Variants in SLC35B4 observed in about 807,000 individuals in gnomAD.
SLC35B4 encodes solute carrier family 35 member B4.
SLC35B4 carries 28 observed loss-of-function variants against 39.5 expected under a neutral mutation model. The observed-to-expected ratio is 0.71, with a 90% confidence interval of 0.53 to 0.97. SLC35B4 has a LOEUF of 0.97. Ranked by LOEUF, SLC35B4 falls within the 50% of genes least tolerant of loss-of-function variation. SLC35B4 has a pLI of 0.00. For synonymous variants in SLC35B4, 145 were observed against 150.4 expected, an observed-to-expected ratio of 0.96 and a Z score of 0.26; for missense variants, 334 against 414.3, an observed-to-expected ratio of 0.81 and a Z score of 1.68.
In SLC35B4 at chr7:134,294,561, T is replaced by C. The variant is rs192912261; in HGVS notation, c.*272A>G. ...CTCAGAATTCAGAAAACAAGAATAATACTGAATATGTCGGTAAACAAAACA... is the reference window on the plus strand; with the variant it reads ...CTCAGAATTCAGAAAACAAGAATAACACTGAATATGTCGGTAAACAAAACA... On this transcript the variant is annotated 3_prime_UTR_variant, in exon 10 of 10. Coordinates refer to ENST00000378509, the MANE Select transcript of SLC35B4 (RefSeq NM_032826.5). 1.0e-4 allele frequency: 36 copies of C among 352,400 alleles called. No individual in the cohort carries two copies. In the East Asian group the frequency reaches 1.8e-3, roughly 18 times the overall value. The allele number at this position is 352,400 out of a possible 1,614,324, so 21.8% of individuals were successfully genotyped here.
chr7:134,302,922 G>A (rs1486453270), intron 4 of SLC35B4, among the ~76,000 whole-genome samples: 1 of 152,154 alleles, frequency 6.6e-6, no homozygotes, highest in Admixed American at 6.5e-5. Context: ...GCTAGAGAGC[G>A]GTTGGGGAGG....
intron 2 of SLC35B4, among the ~76,000 whole-genome samples, chr7:134,308,943 T>C (rs1017171213): frequency 6.6e-6 from 1 of 152,174 alleles, no homozygotes; most frequent in African/African-American, 2.4e-5. Context: ...TTCCGTGGCA[T>C]TTAGTACATT....
At chr7:134,305,842 G>T (rs1222447678) in intron 3 of SLC35B4, among the ~76,000 whole-genome samples, 9 of 151,984 alleles carry the variant, frequency 5.9e-5, no homozygotes, top group Non-Finnish European at 1.5e-5. Context: ...AGCTAATTTT[G>T]TATTTTTAGT....
chr7:134,299,441 A>C, intron 8 of SLC35B4, 82 bp downstream of exon 8: 2 of 1,097,612 alleles, frequency 1.8e-6, no homozygotes, highest in Admixed American at 3.9e-5. Flanking sequence ...ATTATGAAAA[A>C]GGCCGAGGTC....
chr7:134,317,410 C>A (rs1162525722), upstream of SLC35B4, among the ~76,000 whole-genome samples: 1 of 152,170 alleles, frequency 6.6e-6, no homozygotes, highest in East Asian at 1.9e-4. Context: ...ACATTGGAAT[C>A]ACTTGGAGAG....
chr7:134,294,617 A>C lies in SLC35B4; in HGVS notation c.*216T>G. 9.4e-6 allele frequency: 5 copies of C among 533,730 alleles called. No individual in the cohort carries two copies. The highest frequency in any genetic ancestry group is 1.3e-5 in the Non-Finnish European group (4 of 299,094). The allele number at this position is 533,730 out of a possible 1,614,324, so 33.1% of individuals were successfully genotyped here. A position where few individuals can be genotyped will look rare whatever the true frequency, so the allele number is the denominator to read the frequency against. ...AAATGAATGGGCTGTTCAATAGTCC[A>C]GAACTGTTCTTTTTTCTATTTTAGG... is the stretch of plus-strand genomic sequence containing the variant. On this transcript the variant is annotated 3_prime_UTR_variant, in exon 10 of 10. Coordinates refer to ENST00000378509, the MANE Select transcript of SLC35B4 (RefSeq NM_032826.5).
chr7:134,307,646 T>C (rs942926906), intron 2 of SLC35B4, among the ~76,000 whole-genome samples: 1 of 152,226 alleles, frequency 6.6e-6, no homozygotes, highest in African/African-American at 2.4e-5. Context: ...GGTTCCATAT[T>C]CTTCAGGAAA....
chr7:134,297,508 T>C (rs1378398686), intron 8 of SLC35B4, among the ~76,000 whole-genome samples: 1 of 152,136 alleles, frequency 6.6e-6, no homozygotes, highest in East Asian at 1.9e-4. Context: ...ACAAAGGCAC[T>C]TTCATTAGAG....
chr7:134,290,185 T>C lies in SLC35B4; in HGVS notation c.*4648A>G, dbSNP rs1430306177. Reference sequence around the variant, plus strand: ...ATGTAAGGTGCTAACTACATAATACTCTTCCCTTCTACCACCAGGCAATCC... The same window carrying C: ...ATGTAAGGTGCTAACTACATAATACCCTTCCCTTCTACCACCAGGCAATCC... On this transcript the variant is annotated 3_prime_UTR_variant, in exon 10 of 10. Coordinates refer to ENST00000378509, the MANE Select transcript of SLC35B4 (RefSeq NM_032826.5). The C allele has an allele frequency of 2.6e-5, 4 of 152,274 alleles. No individual in the cohort carries two copies. Among genetic ancestry groups the C allele is most frequent in the Admixed American group, 6.5e-5 (1 of 15,286 alleles). 9.4% of individuals were successfully genotyped at this position (152,274 alleles called of 1,614,324 possible). A position where few individuals can be genotyped will look rare whatever the true frequency, so the allele number is the denominator to read the frequency against.
intron 8 of SLC35B4, among the ~76,000 whole-genome samples, chr7:134,298,808 C>A (rs1361770859): frequency 1.3e-5 from 2 of 152,178 alleles, no homozygotes; most frequent in Admixed American, 6.5e-5. Context: ...CTACAAAATG[C>A]ACTTAAGCAT....
rs1027297067 is a variant in SLC35B4 at position 134,292,374 on chromosome 7, A to G, written c.*2459T>C. The G allele has an allele frequency of 6.6e-6, 1 of 152,328 alleles. No individual in the cohort carries two copies. The highest frequency in any genetic ancestry group is 2.4e-5 in the African/African-American group (1 of 41,428). The allele number at this position is 152,328 out of a possible 1,614,324, so 9.4% of individuals were successfully genotyped here. A position where few individuals can be genotyped will look rare whatever the true frequency, so the allele number is the denominator to read the frequency against. ...AGGGAATTTGGGGCTTTCTGCTTCT[A>G]TATGTGGTCATCTTGTGCGAGTGTT... On this transcript the variant is annotated 3_prime_UTR_variant, in exon 10 of 10. Transcript: ENST00000378509.
chr7:134,317,506 ATAT>A (rs1363434382), upstream of SLC35B4, among the ~76,000 whole-genome samples: 1 of 152,156 alleles, frequency 6.6e-6, no homozygotes, highest in Non-Finnish European at 1.5e-5. Flanking sequence ...TGATCTATTG[ATAT>A]TATCCCTAAT....
chr7:134,311,985 GAATT>G (rs1245216596), intron 1 of SLC35B4, among the ~76,000 whole-genome samples: 3 of 152,104 alleles, frequency 2.0e-5, no homozygotes, highest in African/African-American at 7.2e-5. Context: ...TGACAGAAGT[GAATT>G]AATTTATCTA....
intron 8 of SLC35B4, among the ~76,000 whole-genome samples, chr7:134,297,494 A>G (rs1803492984): frequency 6.6e-6 from 1 of 152,236 alleles, no homozygotes; most frequent in African/African-American, 2.4e-5. Context: ...CAATGGCTAC[A>G]TAAACAAAGG....
intron 6 of SLC35B4, among the ~76,000 whole-genome samples, chr7:134,300,779 T>C (rs1483135428): frequency 6.6e-6 from 1 of 152,114 alleles, no homozygotes; most frequent in Non-Finnish European, 1.5e-5. Flanking sequence ...CAATACACAA[T>C]ATTTTTCCAT....
At chr7:134,310,448 GGAA>G (rs1455361344) in intron 1 of SLC35B4, among the ~76,000 whole-genome samples, 2 of 152,084 alleles carry the variant, frequency 1.3e-5, no homozygotes, top group Admixed American at 6.5e-5. Flanking sequence ...CTCAATCGCT[GGAA>G]GAAGAACAAA....
At chr7:134,302,198 A>T (rs1803598444) in intron 4 of SLC35B4, 88 bp from the exon 5 acceptor site, 1 of 1,108,684 alleles carries the variant, frequency 9.0e-7, no homozygotes, top group African/African-American at 1.6e-5. Context: ...ATGGTGCATG[A>T]AAGTACAAAT....
intron 3 of SLC35B4, 56 bp from the exon 4 acceptor site, chr7:134,304,910 G>A (rs371360902): frequency 4.1e-5 from 56 of 1,361,426 alleles, no homozygotes; most frequent in Non-Finnish European, 5.2e-5. Flanking sequence ...AAAAAACAAC[G>A]TAATTCGAGA....
At chr7:134,307,754 C>T (rs1427123342) in intron 2 of SLC35B4, among the ~76,000 whole-genome samples, 1 of 152,138 alleles carries the variant, frequency 6.6e-6, no homozygotes, top group African/African-American at 2.4e-5. Flanking sequence ...AGAACCGATT[C>T]TGCGTTGCTA....
Sources: allele counts gnomAD v4.1 joint callset (sites outside exome capture counted in the v4.1 genomes callset), GRCh38; gene constraint gnomAD v4.1.1; transcripts MANE v1.5; gene names NCBI Gene and HGNC (gene_info 2026-07-23, HGNC 2026-07-21).